SLC1A6: variants seen among roughly 807,000 people sequenced by gnomAD.
The protein encoded by SLC1A6 is solute carrier family 1 member 6, also known as excitatory amino acid transporter 4.
In SLC1A6, 15 loss-of-function variants were observed where a neutral mutation model predicts 42.1. The ratio of observed to expected loss-of-function variants is 0.36; its 90% CI spans 0.24 to 0.55. SLC1A6 has a LOEUF of 0.55. Among genes scored for constraint, SLC1A6 ranks in the 20% least tolerant of loss-of-function variants. The probability of loss-of-function intolerance (pLI) is 0.88; values close to 1 mark genes in which losing one functional copy is unlikely to be tolerated. For missense variants in SLC1A6, 542 were observed against 772.5 expected, an observed-to-expected ratio of 0.70 and a Z score of 3.54; for synonymous variants, 317 against 319.7, an observed-to-expected ratio of 0.99 and a Z score of 0.09.
chr19:14,971,893 G>A lies in SLC1A6; in HGVS notation c.206-19C>T, dbSNP rs757186688. On this transcript the variant is annotated intron_variant, in intron 2 of 9. Transcript: ENST00000594383. ...CTGACCCCTAGGGCCAAAAGAAGGGGTCCATGGACTGAAGTCTGGGTCGCT... is the reference window on the plus strand; with the variant it reads ...CTGACCCCTAGGGCCAAAAGAAGGGATCCATGGACTGAAGTCTGGGTCGCT... 1 of 1,613,322 alleles carries A rather than the reference G, an allele frequency of 6.2e-7. No homozygotes were observed. The highest frequency in any genetic ancestry group is 8.5e-7 in the Non-Finnish European group (1 of 1,179,698).
At chr19:14,959,607 G>T (rs2214601) in intron 6 of SLC1A6, among the ~76,000 whole-genome samples, 6 of 152,166 alleles carry the variant, frequency 3.9e-5, no homozygotes, top group African/African-American at 1.4e-4. Flanking sequence ...GATGTACAAA[G>T]TCTTCTCCCA....
At chr19:14,956,766 T>A in intron 6 of SLC1A6, 57 bp from the exon 7 acceptor site, 1 of 1,216,940 alleles carries the variant, frequency 8.2e-7, no homozygotes, top group Non-Finnish European at 1.2e-6. Context: ...CTTGCAGGTC[T>A]GAAGGTGGCA....
At chr19:14,990,029 G>A (rs1469869474) in intron 1 of SLC1A6, among the ~76,000 whole-genome samples, 3 of 151,972 alleles carry the variant, frequency 2.0e-5, no homozygotes, top group Non-Finnish European at 4.4e-5. Flanking sequence ...TTCTCAAAAA[G>A]TTAAAATAGA....
rs149676263 is a variant in SLC1A6 at position 14,970,819 on chromosome 19, T to G, written c.343+918A>C. On this transcript the variant is annotated intron_variant, in intron 3 of 9. Transcript: ENST00000594383. ...CAGTCAATAGTAGGCTATTAGTAGT[T>G]AAGCTTTTCGGGAGTCAAAAGTTAC... Among the ~76,000 whole-genome samples the G allele has an allele frequency of 5.6e-3, 846 of 151,458 alleles. 11 individuals carry two copies. Among genetic ancestry groups the G allele is most frequent in the African/African-American group, 0.02 (808 of 41,338 alleles).
At chr19:14,961,241 C>T (rs2045508556) in intron 6 of SLC1A6, 1 of 152,106 alleles carries the variant, frequency 6.6e-6, no homozygotes. Context: ...AAAAAATAAG[C>T]ATGTGAGGTA....
In SLC1A6 at chr19:14,957,203, T is replaced by G. The variant is rs191044298; in HGVS notation, c.936-494A>C. ...TCACTCATTCACCAGCCTAAGCATTTCCCTCTCAAACCACTTGTCCTATCA... is the reference window on the plus strand; with the variant it reads ...TCACTCATTCACCAGCCTAAGCATTGCCCTCTCAAACCACTTGTCCTATCA... On this transcript the variant is annotated intron_variant, in intron 6 of 9. Coordinates refer to ENST00000594383, the MANE Select transcript of SLC1A6 (RefSeq NM_005071.3). Among the ~76,000 whole-genome samples the G allele has an allele frequency of 2.2e-3, 337 of 152,284 alleles. 4 individuals carry two copies. Among genetic ancestry groups the G allele is most frequent in the African/African-American group, 7.8e-3 (324 of 41,558 alleles).
intron 1 of SLC1A6, chr19:14,973,601 GAC>G (rs1444162158): frequency 6.5e-6 from 1 of 152,858 alleles, no homozygotes; most frequent in Non-Finnish European, 1.5e-5. Flanking sequence ...GGACCTTTTT[GAC>G]ACACCCTGAC....
intron 1 of SLC1A6, among the ~76,000 whole-genome samples, chr19:14,992,906 C>T (rs11669286): frequency 0.13 from 19,190 of 152,036 alleles, 1,372 homozygotes; most frequent in African/African-American, 0.2. Context: ...CTGTGGGAAA[C>T]GCTCCCTATT....
intron 1 of SLC1A6, among the ~76,000 whole-genome samples, chr19:15,000,739 G>T (rs7254395): frequency 6.6e-6 from 1 of 152,142 alleles, no homozygotes; most frequent in South Asian, 2.1e-4. Flanking sequence ...ACACGGCATT[G>T]TCCCCATGCA....
At position 14,968,520 on chromosome 19, in the gene SLC1A6, TG is replaced by T; in HGVS notation, c.344-14del. On this transcript the variant is annotated splice_polypyrimidine_tract_variant and intron_variant, in intron 3 of 9. Coordinates refer to ENST00000594383, the MANE Select transcript of SLC1A6 (RefSeq NM_005071.3). ...AGGGATGCCATACCTGAAGGACAGA[TG>T]ATGTGGCCCCCGCAGCTCCATGCAT... The T allele has an allele frequency of 6.3e-7, 1 of 1,597,490 alleles. No homozygotes were observed. Among genetic ancestry groups the T allele is most frequent in the Non-Finnish European group, 8.6e-7 (1 of 1,169,552 alleles).
upstream of SLC1A6, among the ~76,000 whole-genome samples, chr19:14,983,458 G>GCCTCCT (rs1189851621): frequency 3.9e-5 from 6 of 152,024 alleles, no homozygotes; most frequent in African/African-American, 1.2e-4. Flanking sequence ...AGCCAAGACA[G>GCCTCCT]GAGGATTACT....
intron 2 of SLC1A6, among the ~76,000 whole-genome samples, chr19:14,972,272 G>C (rs2045648793): frequency 6.6e-6 from 1 of 152,174 alleles, no homozygotes; most frequent in African/African-American, 2.4e-5. Context: ...TCAAACATGG[G>C]AGTGTACGTG....
intron 1 of SLC1A6, among the ~76,000 whole-genome samples, chr19:15,006,229 A>G (rs2045895132): frequency 6.6e-6 from 1 of 152,210 alleles, no homozygotes; most frequent in African/African-American, 2.4e-5. Flanking sequence ...GAGTTGACAG[A>G]TGGGGCAACG....
intron 1 of SLC1A6, among the ~76,000 whole-genome samples, chr19:15,003,684 G>A (rs117958157): frequency 0.057 from 8,087 of 141,672 alleles, 413 homozygotes; most frequent in South Asian, 0.28. Context: ...AGAAAGAAAA[G>A]AAAAGAAAAA....
intron 7 of SLC1A6, 71 bp downstream of exon 7, chr19:14,956,405 G>T: frequency 1.1e-6 from 1 of 945,556 alleles, no homozygotes; most frequent in Non-Finnish European, 1.6e-6. Context: ...GAGGGCAGGT[G>T]CCTTAGGAGA....
rs71168528 is a variant in SLC1A6, at chr19:14,952,273, C to CA, written c.1499+654dup. 3.8e-3 allele frequency among the ~76,000 whole-genome samples: 561 copies of CA among 145,770 alleles called. 1 individual carries two copies. Among genetic ancestry groups the CA allele is most frequent in the South Asian group, 6.1e-3 (28 of 4,564 alleles). On this transcript the variant is annotated intron_variant, in intron 9 of 9. Transcript: ENST00000594383. Reference sequence around the variant, plus strand: ...TGGGCAACACAGCAAAACATAATCTCAAAAAAAAAAAAAATAACAAATCCC... The same window carrying CA: ...TGGGCAACACAGCAAAACATAATCTCAAAAAAAAAAAAAAATAACAAATCCC...
upstream of SLC1A6, among the ~76,000 whole-genome samples, chr19:14,983,777 A>G (rs187964741): frequency 2.6e-5 from 4 of 151,772 alleles, no homozygotes; most frequent in East Asian, 7.8e-4. Context: ...CGTGCCTTAC[A>G]GAGACAATAT....
At chr19:14,954,106 G>C (rs760923319) in intron 8 of SLC1A6, 29 bp downstream of exon 8, 8 of 1,552,250 alleles carry the variant, frequency 5.2e-6, no homozygotes, top group Non-Finnish European at 7.0e-6. Flanking sequence ...AGTCTCACCT[G>C]CTGGCAGGTC....
rs780128901 is a variant in SLC1A6, at chr19:14,972,742, C to T, written c.169G>A (p.Ala57Thr). The change falls in exon 2 of 10, where the codon GCC becomes ACC. Residue 57 changes from alanine (A) to threonine (T), a missense_variant. Coordinates refer to ENST00000594383, the MANE Select transcript of SLC1A6 (RefSeq NM_005071.3). ...EHVLRFLRRN[A>T]FILLTVSAVV... Reference sequence around the variant, plus strand: ...GCGCTGACCGTCAGCAGAATGAAGGCGTTTCGGCGCAGGAAGCGCAGCACG... The same window carrying T: ...GCGCTGACCGTCAGCAGAATGAAGGTGTTTCGGCGCAGGAAGCGCAGCACG... The T allele has an allele frequency of 1.7e-5, 28 of 1,613,924 alleles. No individual in the cohort carries two copies. Among genetic ancestry groups the T allele is most frequent in the Non-Finnish European group, 2.1e-5 (25 of 1,180,048 alleles).
Sources: allele counts gnomAD v4.1 joint callset (sites outside exome capture counted in the v4.1 genomes callset), GRCh38; gene constraint gnomAD v4.1.1; transcripts MANE v1.5; gene names NCBI Gene and HGNC (gene_info 2026-07-23, HGNC 2026-07-21).